FBN1: variants seen among roughly 807,000 people sequenced by gnomAD.
The protein encoded by FBN1 is fibrillin-1.
FBN1 carries 29 observed loss-of-function variants against 365.1 expected under a neutral mutation model. That is an observed-to-expected ratio of 0.08 (90% confidence interval 0.06 to 0.11). The LOEUF (loss-of-function observed/expected upper bound fraction) is 0.11, where lower values mean the gene tolerates loss of function less well. FBN1 is among the 10% of genes least tolerant of loss of function. The pLI is 1.00. For missense variants in FBN1, 2,476 were observed against 3,703.2 expected (o/e 0.67, Z 8.60); for synonymous variants, 1,210 against 1,270.5 (o/e 0.95, Z 1.01).
At chr15:48,597,356 C>T (rs2044524038) in intron 5 of FBN1, among the ~76,000 whole-genome samples, 1 of 152,198 alleles carries the variant, frequency 6.6e-6, no homozygotes, top group Admixed American at 6.5e-5. Flanking sequence ...AATGACTAAA[C>T]ACAGCATTAG....
chr15:48,455,942 G>A lies in FBN1; in HGVS notation c.5422+695C>T, dbSNP rs190493271. ...AAAAATTCTGCTAGAGGCCTGAAGT[G>A]TAAGTATTAAATAGAAAATTATTCC... On this transcript the variant is annotated intron_variant, in intron 44 of 65. Coordinates refer to ENST00000316623, the MANE Select transcript of FBN1 (RefSeq NM_000138.5). 9.2e-5 allele frequency among the ~76,000 whole-genome samples: 14 copies of A among 152,234 alleles called. No individual in the cohort carries two copies. In the East Asian group the frequency reaches 2.1e-3, roughly 23 times the overall value.
rs140132863 is a variant in FBN1, at chr15:48,524,072, T to G, written c.988+2058A>C. ...GTTGTGTACAACCAGGAGTTAGGAG[T>G]TGTGAGGCTCAAACTAGGGAAAGGA... is the stretch of plus-strand genomic sequence containing the variant. On this transcript the variant is annotated intron_variant, in intron 9 of 65. Coordinates refer to ENST00000316623, the MANE Select transcript of FBN1 (RefSeq NM_000138.5). Among the ~76,000 whole-genome samples, 78 of 151,718 alleles carry G rather than the reference T, an allele frequency of 5.1e-4. 1 individual carries two copies. The highest frequency in any genetic ancestry group is 1.9e-3 in the African/African-American group (77 of 41,364).
At chr15:48,435,547 A>T (rs192524407) in intron 53 of FBN1, among the ~76,000 whole-genome samples, 166 of 152,190 alleles carry the variant, frequency 1.1e-3, no homozygotes, top group African/African-American at 3.9e-3. Flanking sequence ...GATTGTGTTG[A>T]TTCTGTTGAA....
intron 63 of FBN1, among the ~76,000 whole-genome samples, chr15:48,419,259 G>A (rs564829106): frequency 3.9e-4 from 60 of 152,270 alleles, no homozygotes; most frequent in Non-Finnish European, 1.6e-4. Context: ...CGAGACCAGA[G>A]CAGAATCTCC....
At chr15:48,453,438 T>C (rs1229811354) in intron 44 of FBN1, among the ~76,000 whole-genome samples, 1 of 152,120 alleles carries the variant, frequency 6.6e-6, no homozygotes, top group African/African-American at 2.4e-5. Context: ...TATAACATTC[T>C]GGAAAAGGCA....
At chr15:48,509,745 T>TA (rs1452651024) in intron 14 of FBN1, among the ~76,000 whole-genome samples, 2 of 151,946 alleles carry the variant, frequency 1.3e-5, no homozygotes, top group Admixed American at 6.6e-5. Flanking sequence ...GTCCTATTTT[T>TA]AAAAAATGTA....
intron 2 of FBN1, among the ~76,000 whole-genome samples, chr15:48,621,068 A>G (rs1889757500): frequency 6.6e-6 from 1 of 152,264 alleles, no homozygotes; most frequent in African/African-American, 2.4e-5. Flanking sequence ...GGATTACAAT[A>G]CCAAGTAAAA....
intron 10 of FBN1, among the ~76,000 whole-genome samples, chr15:48,518,335 G>A (rs2043822120): frequency 6.6e-6 from 1 of 152,188 alleles, no homozygotes; most frequent in Non-Finnish European, 1.5e-5. Flanking sequence ...CTCATGACTA[G>A]TTCCCACTCT....
chr15:48,487,234 C>G, intron 28 of FBN1, 34 bp from the exon 29 acceptor site: 2 of 1,614,138 alleles, frequency 1.2e-6, no homozygotes, highest in Non-Finnish European at 1.7e-6. Flanking sequence ...AACACCCAAA[C>G]ATAAGCTTCC....
intron 6 of FBN1, among the ~76,000 whole-genome samples, chr15:48,564,219 AC>A (rs1403674625): frequency 3.3e-5 from 5 of 152,142 alleles, no homozygotes; most frequent in Admixed American, 3.3e-4. Context: ...CTCACCCATC[AC>A]CTTCATCATC....
chr15:48,533,694 T>C (rs1329484513), intron 8 of FBN1, among the ~76,000 whole-genome samples: 1 of 152,298 alleles, frequency 6.6e-6, no homozygotes, highest in East Asian at 1.9e-4. Flanking sequence ...AACATACCTT[T>C]TAACTAGAAA....
Position 48,510,064 on chromosome 15 carries a change from C to T in FBN1, c.1694G>A (p.Arg565Gln), listed in dbSNP as rs763815231. The T allele has an allele frequency of 3.1e-6, 5 of 1,613,336 alleles. No individual in the cohort carries two copies. The highest frequency in any genetic ancestry group is 4.5e-5 in the East Asian group (2 of 44,846). ...CVCNAGFHVT[R>Q]DGKNCEDMDE... ...ATTACCTTCACAGTTCTTCCCATCT[C>T]GTGTAACATGAAAGCCCGCATTACA... is the stretch of plus-strand genomic sequence containing the variant. The change falls in exon 14 of 66, where the codon CGA (arginine) becomes CAA (glutamine). Residue 565 changes from arginine (R) to glutamine (Q), a missense_variant. Around this residue, in one of 5 missense-constraint regions of FBN1, gnomAD observed 1,780 missense variants for 2,840.8 expected, o/e 0.63. Transcript: ENST00000316623.
intron 17 of FBN1, among the ~76,000 whole-genome samples, chr15:48,500,376 G>C (rs192838918): frequency 7.3e-4 from 111 of 152,214 alleles, no homozygotes; most frequent in African/African-American, 2.5e-3. Context: ...TTTTTGTAGT[G>C]AGTTCAAATA....
chr15:48,446,741 T>C lies in FBN1; in HGVS notation c.5753A>G (p.His1918Arg), dbSNP rs993464239. The C allele has an allele frequency of 8.7e-6, 14 of 1,613,184 alleles. No homozygotes were observed. The highest frequency in any genetic ancestry group is 1.2e-5 in the Non-Finnish European group (14 of 1,179,326). The change falls in exon 47 of 66, where the codon CAT (histidine) becomes CGT (arginine). Residue 1918 changes from histidine (H) to arginine (R), a missense_variant. His to Arg is a conservative substitution (Grantham distance 29). Transcript: ENST00000316623. ...TIGSFNCRCN[H>R]GFILSHNNDC... is the part of the protein sequence containing the mutation. ...ATTGTTGTGAGAAAGGATGAAACCATGATTGCAGCGGCAGTTGAAGGAACC... is the reference window on the plus strand; with the variant it reads ...ATTGTTGTGAGAAAGGATGAAACCACGATTGCAGCGGCAGTTGAAGGAACC...
intron 17 of FBN1, among the ~76,000 whole-genome samples, chr15:48,502,351 T>A (rs1186830549): frequency 2.0e-5 from 3 of 152,226 alleles, no homozygotes; most frequent in African/African-American, 4.8e-5. Flanking sequence ...TGGCCCCCCA[T>A]TTCTTTTAAA....
chr15:48,494,121 T>C (rs2043582983), intron 23 of FBN1, 83 bp downstream of exon 23: 1 of 1,080,924 alleles, frequency 9.3e-7, no homozygotes, highest in Non-Finnish European at 1.4e-6. Flanking sequence ...TGTGAAGTTA[T>C]ATGACAGCTT....
chr15:48,491,023 T>C (rs1373534633), intron 24 of FBN1, among the ~76,000 whole-genome samples: 3 of 152,248 alleles, frequency 2.0e-5, no homozygotes, highest in Non-Finnish European at 4.4e-5. Context: ...GAAGTCTTTA[T>C]ATTCAGCTTT....
intron 2 of FBN1, among the ~76,000 whole-genome samples, chr15:48,618,648 A>G (rs1038866774): frequency 6.6e-5 from 10 of 152,196 alleles, no homozygotes; most frequent in Non-Finnish European, 1.3e-4. Context: ...CCTGGGCCAC[A>G]GACCAGTAAC....
chr15:48,497,592 G>GA (rs2043619087), intron 18 of FBN1, among the ~76,000 whole-genome samples: 1 of 152,122 alleles, frequency 6.6e-6, no homozygotes, highest in Non-Finnish European at 1.5e-5. Context: ...ACAAGTTCCT[G>GA]AGAGGAACTT....
Sources: gnomAD v4.1 joint callset for allele counts (sites outside exome capture counted in the v4.1 genomes callset) on GRCh38, gnomAD v4.1.1 for gene constraint, gnomAD v4.1.1 regional missense constraint, MANE v1.5 for transcripts, NCBI Gene and HGNC (gene_info 2026-07-23, HGNC 2026-07-21) for gene names.